The following ZNF565 variants were observed in gnomAD, a reference collection of about 807,000 sequenced individuals.
The protein encoded by ZNF565 is zinc finger protein 565.
ZNF565 carries 27 observed loss-of-function variants against 39.4 expected under a neutral mutation model. That is an observed-to-expected ratio of 0.69 (90% CI 0.51 to 0.95). The LOEUF is 0.95. Ranked by LOEUF, ZNF565 falls within the 40% of genes least tolerant of loss-of-function variation. The probability of loss-of-function intolerance (pLI) is 0.00; values close to 1 mark genes in which losing one functional copy is unlikely to be tolerated. For synonymous variants in ZNF565, 185 were observed against 216.6 expected (o/e 0.85, Z 1.28); for missense variants, 524 against 621.1 (o/e 0.84, Z 1.66).
At chr19:36,197,323 T>A (rs921403905) in intron 2 of ZNF565, among the ~76,000 whole-genome samples, 1 of 146,208 alleles carries the variant, frequency 6.8e-6, no homozygotes, top group Non-Finnish European at 1.5e-5. Context: ...AAAAAAGAAA[T>A]TAGCTGGGCA....
chr19:36,228,020 TGTG>T (rs2145429932), intron 1 of ZNF565, among the ~76,000 whole-genome samples: 1 of 152,016 alleles, frequency 6.6e-6, no homozygotes, highest in African/African-American at 2.4e-5. Context: ...ATTAGCCAGG[TGTG>T]GTGGTACACA....
At chr19:36,191,160 A>G (rs566240878) in intron 4 of ZNF565, among the ~76,000 whole-genome samples, 85 of 151,352 alleles carry the variant, frequency 5.6e-4, no homozygotes, top group African/African-American at 2.0e-3. Context: ...TGTATGAAAA[A>G]CTGGTTATGG....
intron 1 of ZNF565, chr19:36,236,149 G>T: frequency 3.0e-6 from 1 of 334,030 alleles, no homozygotes; most frequent in Non-Finnish European, 5.4e-6. Flanking sequence ...CCCTTAGCTA[G>T]ATGACAATCT....
At chr19:36,200,591 C>T (rs555835412) in intron 2 of ZNF565, among the ~76,000 whole-genome samples, 3 of 149,622 alleles carry the variant, frequency 2.0e-5, no homozygotes, top group South Asian at 4.3e-4. Context: ...TAGGTTCAAG[C>T]GATTCTCCTG....
chr19:36,222,968 C>A (rs1976916278), intron 1 of ZNF565, among the ~76,000 whole-genome samples: 1 of 151,766 alleles, frequency 6.6e-6, no homozygotes, highest in South Asian at 2.1e-4. Flanking sequence ...CCGCACCACA[C>A]CAAAGACCTT....
rs8112974 is a variant in ZNF565, at chr19:36,210,736, C to G, written c.-66+3886G>C. ...GCCTCCCGGGCTCAAGCAATCCTCC[C>G]GCCTCAACCTCCCGAGTAGCTGGGA... On this transcript the variant is annotated intron_variant, in intron 1 of 4. Coordinates refer to ENST00000304116, the MANE Select transcript of ZNF565 (RefSeq NM_152477.5). Among the ~76,000 whole-genome samples the G allele has an allele frequency of 2.4e-3, 360 of 151,710 alleles. 1 individual carries two copies. Among genetic ancestry groups the G allele is most frequent in the African/African-American group, 8.2e-3 (339 of 41,426 alleles).
chr19:36,182,911 C>T lies in ZNF565; in HGVS notation c.1055G>A (p.Arg352Gln), dbSNP rs1156800497. ...CTCCCCAGAATGAATTCTTTGATGT[C>T]GAGTAACTTCTGAGCTGTGAATAAA... ...KGFIHSSEVT[R>Q]HQRIHSGEKP... Residue 352 changes from arginine to glutamine, a missense_variant, in exon 5 of 5, where the codon CGA (arginine) becomes CAA (glutamine). Coordinates refer to ENST00000304116, the MANE Select transcript of ZNF565 (RefSeq NM_152477.5). 2 of 1,612,740 alleles carry T rather than the reference C, an allele frequency of 1.2e-6. No homozygotes were observed. Among genetic ancestry groups the T allele is most frequent in the Non-Finnish European group, 1.7e-6 (2 of 1,179,652 alleles).
chr19:36,215,673 TAAAC>T (rs993857622), upstream of ZNF565, among the ~76,000 whole-genome samples: 8 of 152,270 alleles, frequency 5.3e-5, no homozygotes, highest in Admixed American at 1.3e-4. Flanking sequence ...TTTTTTTAAT[TAAAC>T]GAGAGTGTTT....
At chr19:36,190,544 CCA>C (rs1255279580) in intron 4 of ZNF565, among the ~76,000 whole-genome samples, 5 of 149,616 alleles carry the variant, frequency 3.3e-5, no homozygotes, top group Non-Finnish European at 5.9e-5. Context: ...CCATTGCACT[CCA>C]GTCTGGACAA....
chr19:36,224,789 T>C (rs894504123), intron 1 of ZNF565, among the ~76,000 whole-genome samples: 1 of 152,254 alleles, frequency 6.6e-6, no homozygotes, highest in Non-Finnish European at 1.5e-5. Flanking sequence ...TTCCTCTTTA[T>C]GTACGTGATA....
upstream of ZNF565, among the ~76,000 whole-genome samples, chr19:36,218,958 A>G (rs1294972364): frequency 2.0e-5 from 3 of 149,578 alleles, no homozygotes; most frequent in African/African-American, 7.4e-5. Flanking sequence ...ACGGGCGCCC[A>G]CCACCACGTC....
chr19:36,244,723 C>CGT (rs1361714649), intron 1 of ZNF565, among the ~76,000 whole-genome samples: 17 of 151,276 alleles, frequency 1.1e-4, no homozygotes, highest in Non-Finnish European at 2.1e-4. Context: ...TGGTGGCATG[C>CGT]GCCTGTAATC....
chr19:36,213,052 A>G (rs1363532366), intron 1 of ZNF565: 2 of 149,036 alleles, frequency 1.3e-5, no homozygotes, highest in African/African-American at 4.9e-5. Context: ...AACACCAGGC[A>G]TCTGCCTAAA....
upstream of ZNF565, chr19:36,218,281 C>T (rs565821856): frequency 5.3e-5 from 8 of 151,894 alleles, no homozygotes; most frequent in Admixed American, 5.3e-4. Flanking sequence ...GGTTGTGTAG[C>T]TCCAGAAGTT....
In ZNF565 at chr19:36,245,575, C is replaced by T; in HGVS notation, c.-45G>A. 1.4e-6 allele frequency: 1 copy of T among 702,202 alleles called. No individual in the cohort carries two copies. The highest frequency in any genetic ancestry group is 2.6e-6 in the Non-Finnish European group (1 of 384,716). 43.5% of individuals were successfully genotyped at this position (702,202 alleles called of 1,614,324 possible). A position where few individuals can be genotyped will look rare whatever the true frequency, so the allele number is the denominator to read the frequency against. ...GGACTACATTTCCCAGGGTCCACCG[C>T]GGATCTAGGAGGAGGCTTGAGATGC... is the stretch of plus-strand genomic sequence containing the variant. On this transcript the variant is annotated 5_prime_UTR_variant, in exon 1 of 5. Coordinates refer to the ZNF565 transcript ENST00000355114. The surrounding 1 kb of genome is among the most constrained non-coding windows in gnomAD (Gnocchi z 4.4).
At chr19:36,208,818 CT>C (rs959162742) in intron 1 of ZNF565, among the ~76,000 whole-genome samples, 6 of 152,036 alleles carry the variant, frequency 3.9e-5, no homozygotes, top group African/African-American at 1.4e-4. Flanking sequence ...TAACAAAAGC[CT>C]TTTTCCCAAT....
chr19:36,184,765 C>G (rs1975227834), intron 4 of ZNF565, among the ~76,000 whole-genome samples: 1 of 152,068 alleles, frequency 6.6e-6, no homozygotes, highest in South Asian at 2.1e-4. Context: ...AGTTGATGTC[C>G]ATCAAAATGA....
intron 1 of ZNF565, among the ~76,000 whole-genome samples, chr19:36,243,736 G>A (rs1227351839): frequency 6.6e-6 from 1 of 151,970 alleles, no homozygotes; most frequent in Non-Finnish European, 1.5e-5. Flanking sequence ...GTCTTGCTAT[G>A]TCACCCAGGC....
At chr19:36,184,115 C>G (rs554060000) in intron 4 of ZNF565, among the ~76,000 whole-genome samples, 1 of 117,202 alleles carries the variant, frequency 8.5e-6, no homozygotes, top group East Asian at 2.3e-4. Context: ...TATAGTAGAA[C>G]AGGGAGACAA....
Sources: allele counts gnomAD v4.1 joint callset (sites outside exome capture counted in the v4.1 genomes callset), GRCh38; gene constraint gnomAD v4.1.1; non-coding constraint Gnocchi (gnomAD v3.1); transcripts MANE v1.5; gene names NCBI Gene and HGNC (gene_info 2026-07-23, HGNC 2026-07-21).